The following NELL1 variants were observed in gnomAD, a reference collection of about 807,000 sequenced individuals.
NELL1 encodes the protein protein kinase C-binding protein NELL1.
A neutral mutation model predicts 107.4 loss-of-function variants in NELL1; 76 were observed. The ratio of observed to expected loss-of-function variants is 0.71; its 90% CI spans 0.59 to 0.86. NELL1 has a LOEUF of 0.86. Ranked by LOEUF, NELL1 falls within the 40% of genes least tolerant of loss-of-function variation. The probability of loss-of-function intolerance (pLI) is 0.00; values close to 1 mark genes in which losing one functional copy is unlikely to be tolerated. For missense variants in NELL1, 1,024 were observed against 1,005.5 expected, an observed-to-expected ratio of 1.02 and a Z score of -0.25; for synonymous variants, 353 against 341.2, an observed-to-expected ratio of 1.03 and a Z score of -0.38.
At chr11:21,494,211 T>G (rs1854914080) in intron 15 of NELL1, among the ~76,000 whole-genome samples, 2 of 152,020 alleles carry the variant, frequency 1.3e-5, no homozygotes, top group East Asian at 1.9e-4. Flanking sequence ...TTAACAAATT[T>G]TATCAAGTGT....
At chr11:20,741,597 A>T (rs2133934381) in intron 2 of NELL1, among the ~76,000 whole-genome samples, 1 of 152,286 alleles carries the variant, frequency 6.6e-6, no homozygotes, top group Middle Eastern at 3.4e-3. Context: ...CTCTGTGAAT[A>T]ATCCTAAGAA....
At chr11:21,204,418 G>A (rs946473655) in intron 13 of NELL1, among the ~76,000 whole-genome samples, 2 of 151,682 alleles carry the variant, frequency 1.3e-5, no homozygotes, top group African/African-American at 4.8e-5. Flanking sequence ...TGATACCAAT[G>A]TATGCTTCAG....
intron 4 of NELL1, among the ~76,000 whole-genome samples, chr11:20,873,629 TCA>T (rs1002911148): frequency 3.3e-5 from 5 of 152,160 alleles, no homozygotes; most frequent in African/African-American, 1.2e-4. Context: ...AACAAAGGAC[TCA>T]GAGAGGTTTA....
At chr11:21,021,612 A>T (rs1852703098) in intron 12 of NELL1, among the ~76,000 whole-genome samples, 1 of 152,126 alleles carries the variant, frequency 6.6e-6, no homozygotes, top group Non-Finnish European at 1.5e-5. Flanking sequence ...CTTTGAATGC[A>T]TGCAAATTGC....
At chr11:20,999,484 T>A (rs1852167031) in intron 12 of NELL1, among the ~76,000 whole-genome samples, 1 of 152,040 alleles carries the variant, frequency 6.6e-6, no homozygotes, top group East Asian at 1.9e-4. Context: ...GCAGAAAGAG[T>A]CCTACCTAAG....
chr11:21,379,560 A>C (rs1270459345), intron 15 of NELL1, among the ~76,000 whole-genome samples: 11 of 152,056 alleles, frequency 7.2e-5, no homozygotes, highest in Non-Finnish European at 8.8e-5. Context: ...TGCTTATATG[A>C]TTTTCCAATT....
At chr11:21,389,749 T>G (rs1851826378) in intron 15 of NELL1, among the ~76,000 whole-genome samples, 1 of 151,836 alleles carries the variant, frequency 6.6e-6, no homozygotes, top group Non-Finnish European at 1.5e-5. Flanking sequence ...GTGAATTGGT[T>G]GTAATTTGTT....
chr11:21,535,866 T>A lies in NELL1; in HGVS notation c.1786+1352T>A, dbSNP rs373857048. ...TTCATATTTCTTTTCCTTTACATAC[T>A]GCCAGGTACTTCTGTACATATGCAG... On this transcript the variant is annotated intron_variant, in intron 16 of 19. Transcript: ENST00000357134. 7.9e-5 allele frequency among the ~76,000 whole-genome samples: 12 copies of A among 152,306 alleles called. 1 individual carries two copies. Among genetic ancestry groups the A allele is most frequent in the African/African-American group, 2.9e-4 (12 of 41,574 alleles).
chr11:21,374,980 G>C (rs2133759278), intron 15 of NELL1, among the ~76,000 whole-genome samples: 1 of 151,920 alleles, frequency 6.6e-6, no homozygotes, highest in South Asian at 2.1e-4. Flanking sequence ...TCCAAACAGA[G>C]AAGAAGGAAG....
chr11:21,409,698 C>T (rs566190138), intron 15 of NELL1, among the ~76,000 whole-genome samples: 8 of 152,052 alleles, frequency 5.3e-5, no homozygotes, highest in South Asian at 2.1e-4. Context: ...TTTTCCGTCT[C>T]GAAATTATAA....
chr11:21,229,049 T>G (rs996093274), intron 13 of NELL1, among the ~76,000 whole-genome samples: 4 of 152,038 alleles, frequency 2.6e-5, no homozygotes, highest in African/African-American at 7.2e-5. Flanking sequence ...AAAACCTTTT[T>G]AGAAGGTGGA....
At chr11:20,848,354 G>C (rs1384945805) in intron 4 of NELL1, among the ~76,000 whole-genome samples, 5 of 152,136 alleles carry the variant, frequency 3.3e-5, no homozygotes, top group African/African-American at 1.2e-4. Flanking sequence ...TTTTGGGTTG[G>C]GGTGGGATGG....
intron 2 of NELL1, among the ~76,000 whole-genome samples, chr11:20,776,836 G>T (rs1031498682): frequency 6.6e-6 from 1 of 152,182 alleles, no homozygotes; most frequent in Non-Finnish European, 1.5e-5. Context: ...GAATATCACA[G>T]TCGACTCTGC....
intron 14 of NELL1, among the ~76,000 whole-genome samples, chr11:21,313,185 CAATGAGAAAG>C (rs1849788084): frequency 6.6e-6 from 1 of 152,092 alleles, no homozygotes; most frequent in African/African-American, 2.4e-5. Flanking sequence ...GCATCAAATT[CAATGAGAAAG>C]ATAGAAGAGC....
intron 10 of NELL1, among the ~76,000 whole-genome samples, chr11:20,941,993 G>GA: frequency 6.6e-6 from 1 of 152,162 alleles, no homozygotes; most frequent in Non-Finnish European, 1.5e-5. Context: ...CTGTGTCTCA[G>GA]AAAAGACCAT....
intron 17 of NELL1, among the ~76,000 whole-genome samples, chr11:21,561,766 G>A (rs577143462): frequency 3.3e-5 from 5 of 152,104 alleles, no homozygotes; most frequent in African/African-American, 9.6e-5. Context: ...TAGATTCCAT[G>A]TACTTCCTTG....
In NELL1 at chr11:21,555,846, G is replaced by A. The variant is rs1008048765; in HGVS notation, c.1787-4343G>A. 1.4e-4 allele frequency among the ~76,000 whole-genome samples: 21 copies of A among 151,964 alleles called. No homozygotes were observed. The South Asian group carries it at 4.2e-3, about 30-fold the overall frequency. On this transcript the variant is annotated intron_variant, in intron 16 of 19. Coordinates refer to ENST00000357134, the MANE Select transcript of NELL1 (RefSeq NM_006157.5). ...CACGCTAATGGATCTCTTCTGATGT[G>A]TTCTAACTGTGTCAACCTCATTCTT... is the stretch of plus-strand genomic sequence containing the variant.
intron 4 of NELL1, among the ~76,000 whole-genome samples, chr11:20,876,701 C>A (rs1264308395): frequency 2.0e-5 from 3 of 152,110 alleles, no homozygotes; most frequent in Non-Finnish European, 4.4e-5. Flanking sequence ...GAAGGCAGAG[C>A]TTGCAGAGCT....
chr11:21,240,235 T>A (rs1858317790), intron 14 of NELL1, among the ~76,000 whole-genome samples: 1 of 152,064 alleles, frequency 6.6e-6, no homozygotes, highest in African/African-American at 2.4e-5. Flanking sequence ...AAAAGTAGAT[T>A]GGCAGTACTG....
Sources: allele counts gnomAD v4.1 joint callset (sites outside exome capture counted in the v4.1 genomes callset), GRCh38; gene constraint gnomAD v4.1.1; transcripts MANE v1.5; gene names NCBI Gene and HGNC (gene_info 2026-07-23, HGNC 2026-07-21).